Variants in CALD1 observed in about 807,000 individuals in gnomAD.
The protein encoded by CALD1 is caldesmon 1, also known as caldesmon.
Under a neutral mutation model 99.9 loss-of-function variants are expected in CALD1, and 33 were observed. The ratio of observed to expected loss-of-function variants is 0.33; its 90% confidence interval spans 0.25 to 0.44. The LOEUF is 0.44. CALD1 is among the 20% of genes least tolerant of loss of function. The pLI is 1.00. For missense variants in CALD1, 861 were observed against 962.1 expected, an observed-to-expected ratio of 0.89 and a Z score of 1.39; for synonymous variants, 310 against 325.0, an observed-to-expected ratio of 0.95 and a Z score of 0.50.
chr7:134,916,983 A>G (rs1176797641), intron 3 of CALD1, among the ~76,000 whole-genome samples: 1 of 152,230 alleles, frequency 6.6e-6, no homozygotes, highest in Non-Finnish European at 1.5e-5. Context: ...GCTTGTTTAT[A>G]TACCTGTGGT....
intron 5 of CALD1, among the ~76,000 whole-genome samples, chr7:134,934,619 C>T (rs983455385): frequency 6.6e-6 from 1 of 152,186 alleles, no homozygotes; most frequent in Non-Finnish European, 1.5e-5. Context: ...TACAGTGGCT[C>T]ACACCTGTAA....
chr7:134,936,277 G>A (rs2133006749), intron 6 of CALD1, among the ~76,000 whole-genome samples: 1 of 152,296 alleles, frequency 6.6e-6, no homozygotes, highest in African/African-American at 2.4e-5. Context: ...AGAAAAGTTT[G>A]GCCAAATGTT....
At chr7:134,820,652 A>T (rs1025101921) in intron 1 of CALD1, among the ~76,000 whole-genome samples, 1 of 152,216 alleles carries the variant, frequency 6.6e-6, no homozygotes, top group Admixed American at 6.5e-5. Context: ...TTTAGTAATT[A>T]ATATCATTTA....
At chr7:134,720,184 C>CTTTTTT in the CALD1 span, among the ~76,000 whole-genome samples, 1 of 139,962 alleles carries the variant, frequency 7.1e-6, no homozygotes, top group Non-Finnish European at 1.6e-5. Context: ...TAGCCCTCCT[C>CTTTTTT]TTTTTTTTTT....
At chr7:134,957,968 G>C in intron 9 of CALD1, 101 bp from the exon 10 acceptor site, 1 of 837,630 alleles carries the variant, frequency 1.2e-6, no homozygotes, top group South Asian at 1.4e-5. Flanking sequence ...TATGCTCTTC[G>C]GTGTGTTTAA....
intron 3 of CALD1, among the ~76,000 whole-genome samples, chr7:134,874,288 G>A (rs13247011): frequency 0.21 from 32,083 of 151,792 alleles, 4,575 homozygotes; most frequent in African/African-American, 0.41. Flanking sequence ...TGCCTCCCAG[G>A]TTCAAGCGAT....
At chr7:134,880,746 C>T (rs1801561740) in intron 3 of CALD1, among the ~76,000 whole-genome samples, 1 of 152,134 alleles carries the variant, frequency 6.6e-6, no homozygotes, top group African/African-American at 2.4e-5. Context: ...GTAGAAAGAA[C>T]TGATATCTGA....
chr7:134,911,198 C>CTTTTTT (rs964515625), intron 3 of CALD1, among the ~76,000 whole-genome samples: 107 of 117,934 alleles, frequency 9.1e-4, no homozygotes, highest in Non-Finnish European at 1.2e-3. Context: ...TTTCCTTTTT[C>CTTTTTT]TTTTTTTTTT....
intron 9 of CALD1, among the ~76,000 whole-genome samples, chr7:134,952,405 AT>A (rs1203736028): frequency 6.6e-6 from 1 of 152,008 alleles, no homozygotes; most frequent in African/African-American, 2.4e-5. Flanking sequence ...AACTGCTTAC[AT>A]TTTACAGTTA....
At chr7:134,744,782 C>A (rs1265767141) in intron 1 of CALD1, among the ~76,000 whole-genome samples, 2 of 152,034 alleles carry the variant, frequency 1.3e-5, no homozygotes, top group Non-Finnish European at 2.9e-5. Flanking sequence ...CCTTGAAGAG[C>A]CTTGGAAGGC....
intron 3 of CALD1, among the ~76,000 whole-genome samples, chr7:134,918,609 C>T (rs1039659305): frequency 3.9e-5 from 6 of 152,246 alleles, no homozygotes; most frequent in South Asian, 2.1e-4. Context: ...GATAGGGATG[C>T]GATTGAAGAG....
chr7:134,925,801 C>T (rs756257092), intron 3 of CALD1, among the ~76,000 whole-genome samples: 12 of 152,086 alleles, frequency 7.9e-5, no homozygotes, highest in African/African-American at 1.4e-4. Context: ...ATAGGGATGT[C>T]CCATACGGAG....
intron 3 of CALD1, among the ~76,000 whole-genome samples, chr7:134,892,483 C>A (rs1486012651): frequency 6.6e-6 from 1 of 152,182 alleles, no homozygotes; most frequent in Non-Finnish European, 1.5e-5. Flanking sequence ...AAATCTTTTC[C>A]ATTTTTGAGA....
At chr7:134,773,292 C>A (rs894274351) in intron 1 of CALD1, among the ~76,000 whole-genome samples, 7 of 118,100 alleles carry the variant, frequency 5.9e-5, no homozygotes, top group South Asian at 2.8e-4. Flanking sequence ...TTTTTTTTTT[C>A]AGGACAAGAT....
At chr7:134,937,754 A>G (rs1314594686) in intron 6 of CALD1, among the ~76,000 whole-genome samples, 3 of 152,206 alleles carry the variant, frequency 2.0e-5, no homozygotes, top group African/African-American at 7.2e-5. Flanking sequence ...GAGCCTTCTT[A>G]AAGAAAACAT....
rs144809201 is a variant in CALD1, at chr7:134,959,461, C to T, written c.2062-513C>T. Among the ~76,000 whole-genome samples the T allele has an allele frequency of 1.5e-3, 227 of 152,248 alleles. 3 individuals carry two copies. The highest frequency in any genetic ancestry group is 5.2e-3 in the African/African-American group (218 of 41,548). On this transcript the variant is annotated intron_variant, in intron 11 of 14. Transcript: ENST00000361675. ...CCGAGGCAGGAGGATCCCTTGAGCC[C>T]AGGAATTTGAAACCAGCCTGGGCAA...
At chr7:134,781,179 G>A (rs1797090433) in intron 1 of CALD1, among the ~76,000 whole-genome samples, 1 of 152,184 alleles carries the variant, frequency 6.6e-6, no homozygotes, top group South Asian at 2.1e-4. Context: ...TTCCCTCGAA[G>A]AGATCAAGTT....
intron 7 of CALD1, among the ~76,000 whole-genome samples, chr7:134,942,315 G>A (rs542646190): frequency 6.6e-6 from 1 of 152,212 alleles, no homozygotes; most frequent in Non-Finnish European, 1.5e-5. Flanking sequence ...AGCAGGCGGA[G>A]CTACTAGGGA....
At chr7:134,891,692 T>C (rs1802194131) in intron 3 of CALD1, 2 of 1,486,724 alleles carry the variant, frequency 1.3e-6, no homozygotes, top group African/African-American at 1.4e-5. Flanking sequence ...TCATTTCGTC[T>C]CTTTGGTTTT....
Sources: gnomAD v4.1 joint callset for allele counts (sites outside exome capture counted in the v4.1 genomes callset) on GRCh38, gnomAD v4.1.1 for gene constraint, MANE v1.5 for transcripts, NCBI Gene and HGNC (gene_info 2026-07-23, HGNC 2026-07-21) for gene names.